Variants in SI observed in about 807,000 individuals in gnomAD.
The protein encoded by SI is sucrase-isomaltase, also known as sucrase-isomaltase, intestinal.
Under a neutral mutation model 253.3 loss-of-function variants are expected in SI, and 235 were observed. The observed-to-expected ratio is 0.93, with a 90% CI of 0.83 to 1.03. SI has a LOEUF of 1.03. SI is among the 50% of genes least tolerant of loss of function. The pLI, the probability that SI is intolerant of heterozygous loss-of-function variation, is 0.00. For missense variants in SI, 2,442 were observed against 2,211.1 expected (o/e 1.10, Z -2.09); for synonymous variants, 819 against 712.0 (o/e 1.15, Z -2.39).
At chr3:165,028,282 A>G (rs1218322315) in intron 25 of SI, among the ~76,000 whole-genome samples, 1 of 151,620 alleles carries the variant, frequency 6.6e-6, no homozygotes, top group East Asian at 1.9e-4. Flanking sequence ...ACACTACTGA[A>G]AGAAATTATA....
rs1242865986 is a variant in SI, at chr3:165,023,554, T to C, written c.3099+16A>G. 1 of 1,586,760 alleles carries C rather than the reference T, an allele frequency of 6.3e-7. No individual in the cohort carries two copies. Among genetic ancestry groups the C allele is most frequent in the Non-Finnish European group, 8.6e-7 (1 of 1,156,230 alleles). On this transcript the variant is annotated intron_variant, in intron 26 of 47. Coordinates refer to ENST00000264382, the MANE Select transcript of SI (RefSeq NM_001041.4). ...CAAGATGAGTTAAGCTTTGGGGTAG[T>C]TTATATCAAGCATACCTTAAACTGC...
rs765207613 is a variant in SI, at chr3:165,017,688, C to A, written c.3634-15G>T. 6.2e-7 allele frequency: 1 copy of A among 1,611,394 alleles called. No individual in the cohort carries two copies. The highest frequency in any genetic ancestry group is 1.3e-5 in the African/African-American group (1 of 74,906). On this transcript the variant is annotated splice_polypyrimidine_tract_variant and intron_variant, in intron 30 of 47. Transcript: ENST00000264382. ...TGGCCAATTACCTTTAAAAAAAATT[C>A]ATGTGTGAACTAAGAGAATTACTTT...
intron 16 of SI, among the ~76,000 whole-genome samples, chr3:165,045,426 A>G (rs2108226122): frequency 6.6e-6 from 1 of 152,136 alleles, no homozygotes; most frequent in East Asian, 1.9e-4. Flanking sequence ...AATAAGTGAC[A>G]CCTTATACTA....
At chr3:165,069,424 A>G (rs888009762) in intron 3 of SI, among the ~76,000 whole-genome samples, 1 of 152,124 alleles carries the variant, frequency 6.6e-6, no homozygotes, top group Non-Finnish European at 1.5e-5. Context: ...TGTGATTATT[A>G]AAATCACGTA....
intron 35 of SI, among the ~76,000 whole-genome samples, chr3:165,008,446 T>A (rs974254474): frequency 1.1e-4 from 16 of 151,936 alleles, no homozygotes; most frequent in Non-Finnish European, 2.9e-5. Context: ...GTAGTCATAT[T>A]TAAAAGAATC....
Position 164,987,216 on chromosome 3 carries a change from GT to G in SI, c.5118del (p.Lys1706AsnfsTer3). On this transcript the variant is annotated frameshift_variant, in exon 45 of 48. Transcript: ENST00000264382. LOFTEE classifies it high-confidence loss of function. The stretch of plus-strand genomic sequence containing the variant: ...TCTGCAGCAACAATGAGCTTCATGT[GT>G]TTTTGTCGACTATAAGAAAGAAATA... Reference protein sequence around the residue: ...PAQNTFYSRQKHMKLIVAADD... With the variant: ...PAQNTFYSRQXHMKLIVAADD... 1.9e-6 allele frequency: 3 copies of G among 1,613,218 alleles called. No homozygotes were observed. The highest frequency in any genetic ancestry group is 2.5e-6 in the Non-Finnish European group (3 of 1,179,372).
chr3:165,069,556 T>A (rs971072910), intron 3 of SI, among the ~76,000 whole-genome samples: 3 of 152,110 alleles, frequency 2.0e-5, no homozygotes, highest in African/African-American at 4.8e-5. Flanking sequence ...GTACTAATTA[T>A]GTATCAAGCT....
At chr3:164,992,684 T>G (rs1232322095) in intron 41 of SI, among the ~76,000 whole-genome samples, 3 of 151,830 alleles carry the variant, frequency 2.0e-5, no homozygotes, top group Non-Finnish European at 4.4e-5. Flanking sequence ...GGAAGAGAAC[T>G]AATAGAGGTA....
At chr3:165,059,582 C>T (rs959043543) in intron 10 of SI, among the ~76,000 whole-genome samples, 3 of 151,780 alleles carry the variant, frequency 2.0e-5, no homozygotes, top group African/African-American at 7.2e-5. Flanking sequence ...ATCAAAAATA[C>T]ACTTTTCAGA....
rs766454276 is a variant in SI, at chr3:165,076,005, C to A, written c.8G>T (p.Arg3Ile). ...GATTTCCAATCCACTAAATTTCTTT[C>A]TTGCCATCTAAAAACAGAAAAGAAT... MA[R>I]KKFSGLEISL... The change falls in exon 2 of 48, where the codon AGA (arginine) becomes ATA (isoleucine). Residue 3 changes from arginine (R) to isoleucine (I), a missense_variant. By Grantham distance (97) the Arg-to-Ile change is moderately conservative. Transcript: ENST00000264382. 159 of 1,575,942 alleles carry A rather than the reference C, an allele frequency of 1.0e-4. No individual in the cohort carries two copies. The South Asian group carries it at 1.8e-3, about 17-fold the overall frequency.
At chr3:165,042,377 G>A (rs1333928596) in intron 17 of SI, among the ~76,000 whole-genome samples, 1 of 151,978 alleles carries the variant, frequency 6.6e-6, no homozygotes, top group African/African-American at 2.4e-5. Flanking sequence ...AACACTGAAC[G>A]GTTTCTTAAC....
At chr3:165,082,703 G>T (rs1268337984), upstream of SI, among the ~76,000 whole-genome samples, 1 of 151,856 alleles carries the variant, frequency 6.6e-6, no homozygotes, top group Non-Finnish European at 1.5e-5. Flanking sequence ...CCTTGCCTTT[G>T]CTTAATTCAA....
At chr3:164,996,068 G>A (rs939236359) in intron 40 of SI, among the ~76,000 whole-genome samples, 12 of 151,606 alleles carry the variant, frequency 7.9e-5, no homozygotes, top group Admixed American at 6.6e-4. Context: ...ACGTGGTTCC[G>A]TTCTGCCTAC....
At chr3:165,075,529 C>A (rs1714898906) in intron 2 of SI, among the ~76,000 whole-genome samples, 1 of 151,908 alleles carries the variant, frequency 6.6e-6, no homozygotes, top group African/African-American at 2.4e-5. Context: ...ATCCTTATTT[C>A]CTTTGCAAGT....
At chr3:165,044,253 G>T (rs953885151) in intron 16 of SI, among the ~76,000 whole-genome samples, 2 of 151,992 alleles carry the variant, frequency 1.3e-5, no homozygotes, top group African/African-American at 4.8e-5. Flanking sequence ...TACTCACCCT[G>T]TATAGATATC....
At chr3:165,038,093 A>C (rs1480244487) in intron 20 of SI, 69 bp from the exon 21 acceptor site, 19 of 1,404,552 alleles carry the variant, frequency 1.4e-5, no homozygotes, top group Non-Finnish European at 1.8e-5. Context: ...CACAAGAATT[A>C]AAAGGCATTT....
chr3:165,075,778 G>T, intron 2 of SI, 117 bp downstream of exon 2: 1 of 639,922 alleles, frequency 1.6e-6, no homozygotes, highest in Admixed American at 2.3e-5. Context: ...ACTTACCCTG[G>T]ATTTTTCTAT....
At chr3:165,070,288 T>C (rs933504412) in intron 3 of SI, among the ~76,000 whole-genome samples, 1 of 91,738 alleles carries the variant, frequency 1.1e-5, no homozygotes, top group African/African-American at 3.4e-5. Flanking sequence ...ATTATATACA[T>C]ATATAATTAT....
chr3:165,067,814 A>T, intron 5 of SI, among the ~76,000 whole-genome samples: 1 of 151,934 alleles, frequency 6.6e-6, no homozygotes, highest in East Asian at 1.9e-4. Context: ...AATTTAATCA[A>T]TCTCAATGCT....
Sources: allele counts gnomAD v4.1 joint callset (sites outside exome capture counted in the v4.1 genomes callset), GRCh38; gene constraint gnomAD v4.1.1; transcripts MANE v1.5; gene names NCBI Gene and HGNC (gene_info 2026-07-23, HGNC 2026-07-21).